PTK2: variants seen among roughly 807,000 people sequenced by gnomAD.
The protein encoded by PTK2 is protein tyrosine kinase 2.
In PTK2, 45 loss-of-function variants were observed where a neutral mutation model predicts 150.1. The observed-to-expected ratio is 0.30, with a 90% CI of 0.24 to 0.38. PTK2 has a LOEUF of 0.38. Ranked by LOEUF, PTK2 falls within the 10% of genes least tolerant of loss-of-function variation. The pLI is 1.00. For missense variants in PTK2, 919 were observed against 1,307.3 expected (o/e 0.70, Z 4.58); for synonymous variants, 432 against 449.2 (o/e 0.96, Z 0.48).
intron 2 of PTK2, chr8:140,921,126 C>T: frequency 7.9e-7 from 1 of 1,271,518 alleles, no homozygotes; most frequent in South Asian, 2.7e-5. Context: ...TCTCATGCTT[C>T]CGCAATCTGA....
chr8:140,782,260 G>GA (rs1173170751), intron 14 of PTK2, among the ~76,000 whole-genome samples: 6 of 150,220 alleles, frequency 4.0e-5, no homozygotes, highest in African/African-American at 1.5e-4. Flanking sequence ...TTTTTGGGGG[G>GA]GGGGACAGGG....
At chr8:140,809,381 G>C (rs1243557606) in intron 10 of PTK2, among the ~76,000 whole-genome samples, 1 of 152,192 alleles carries the variant, frequency 6.6e-6, no homozygotes, top group Non-Finnish European at 1.5e-5. Flanking sequence ...CAGGAATATA[G>C]AGACAAAGTT....
intron 22 of PTK2, among the ~76,000 whole-genome samples, chr8:140,719,881 T>C (rs1474268316): frequency 1.1e-5 from 1 of 91,492 alleles, no homozygotes; most frequent in African/African-American, 5.2e-5. Context: ...GTGAGACTTG[T>C]CTCACCAAAA....
intron 26 of PTK2, chr8:140,687,064 C>T (rs1021571320): frequency 1.5e-4 from 33 of 214,846 alleles, no homozygotes; most frequent in Non-Finnish European, 2.1e-4. Context: ...ATGGCTTATA[C>T]GGATTTAGCT....
intron 26 of PTK2, among the ~76,000 whole-genome samples, chr8:140,691,116 C>T (rs979509164): frequency 4.0e-5 from 6 of 151,706 alleles, no homozygotes; most frequent in African/African-American, 1.5e-4. Flanking sequence ...AGATGAACAC[C>T]TTTGTATACA....
chr8:140,712,277 C>T (rs1433738089), intron 23 of PTK2, among the ~76,000 whole-genome samples: 1 of 151,868 alleles, frequency 6.6e-6, no homozygotes, highest in Admixed American at 6.6e-5. Flanking sequence ...TGATGTAAAT[C>T]TGCTTTAATG....
intron 26 of PTK2, among the ~76,000 whole-genome samples, chr8:140,699,227 G>A (rs1462272399): frequency 1.3e-5 from 2 of 152,144 alleles, no homozygotes; most frequent in East Asian, 3.8e-4. Flanking sequence ...AAGCATGAGA[G>A]ACCAGGTAAA....
At chr8:140,951,687 A>G (rs991824570) in intron 1 of PTK2, among the ~76,000 whole-genome samples, 1 of 152,172 alleles carries the variant, frequency 6.6e-6, no homozygotes, top group African/African-American at 2.4e-5. Flanking sequence ...GTTTGAGACC[A>G]GCTTGGGAAA....
intron 2 of PTK2, chr8:140,909,539 G>A (rs2100162268): frequency 6.6e-6 from 1 of 152,178 alleles, no homozygotes; most frequent in African/African-American, 2.4e-5. Context: ...ATCTTCAAGA[G>A]GAGCAGTACC....
At chr8:140,737,053 C>T (rs2100052978) in intron 21 of PTK2, among the ~76,000 whole-genome samples, 2 of 152,178 alleles carry the variant, frequency 1.3e-5, no homozygotes, top group Non-Finnish European at 2.9e-5. Flanking sequence ...CCAGAAGTTA[C>T]AACAATATTA....
At chr8:140,843,623 A>C (rs2100123576) in intron 7 of PTK2, among the ~76,000 whole-genome samples, 2 of 152,096 alleles carry the variant, frequency 1.3e-5, no homozygotes, top group Non-Finnish European at 2.9e-5. Context: ...ACTTCACATT[A>C]ACTATTTGCC....
intron 17 of PTK2, chr8:140,750,535 T>C (rs995998197): frequency 6.6e-6 from 1 of 152,174 alleles, no homozygotes; most frequent in Admixed American, 6.5e-5. Flanking sequence ...ACTTTAAATA[T>C]GGTGGTCAGA....
intron 22 of PTK2, among the ~76,000 whole-genome samples, chr8:140,728,093 G>T (rs1366095664): frequency 6.6e-6 from 1 of 151,126 alleles, no homozygotes; most frequent in South Asian, 2.1e-4. Flanking sequence ...CAGCTACTCG[G>T]CAGGGTGAGG....
intron 2 of PTK2, among the ~76,000 whole-genome samples, chr8:140,896,797 GGGGT>G (rs66584657): frequency 0.15 from 19,516 of 133,894 alleles, 1,825 homozygotes; most frequent in East Asian, 0.26. Flanking sequence ...ACGGGGGGGG[GGGGT>G]GGGTAAAACA....
rs562315612 is a variant in PTK2, at chr8:140,939,977, A to C, written c.-121-14228T>G. Among the ~76,000 whole-genome samples, 6 of 152,350 alleles carry C rather than the reference A, an allele frequency of 3.9e-5. No individual in the cohort carries two copies. The South Asian group carries it at 1.0e-3, about 26-fold the overall frequency. ...AGATGAGTGGGGAAAAATGAACAGA[A>C]GAACAGAGTAGAGCACGGGGCCTGG... On this transcript the variant is annotated intron_variant, in intron 1 of 31. Coordinates refer to ENST00000522684, the Ensembl canonical transcript of PTK2.
At chr8:140,719,514 C>T (rs1432859114) in intron 22 of PTK2, among the ~76,000 whole-genome samples, 1 of 152,100 alleles carries the variant, frequency 6.6e-6, no homozygotes, top group Non-Finnish European at 1.5e-5. Flanking sequence ...CCCCTCCAAT[C>T]AGAAGAGCGC....
At chr8:140,957,294 G>A (rs185588482) in intron 1 of PTK2, among the ~76,000 whole-genome samples, 23 of 152,186 alleles carry the variant, frequency 1.5e-4, no homozygotes, top group Middle Eastern at 3.4e-3. Flanking sequence ...TGGGCATGGT[G>A]GCACACGCAT....
At chr8:140,877,177 C>A (rs2100146124) in intron 4 of PTK2, among the ~76,000 whole-genome samples, 1 of 151,826 alleles carries the variant, frequency 6.6e-6, no homozygotes, top group Non-Finnish European at 1.5e-5. Flanking sequence ...GGAGTACAGG[C>A]ACCCGCCACC....
intron 10 of PTK2, among the ~76,000 whole-genome samples, chr8:140,813,693 T>C (rs907368749): frequency 1.2e-4 from 18 of 152,170 alleles, no homozygotes; most frequent in African/African-American, 2.4e-4. Context: ...ATCGAAAAGT[T>C]AGATCTCAGT....
Sources: gnomAD v4.1 joint callset for allele counts (sites outside exome capture counted in the v4.1 genomes callset) on GRCh38, gnomAD v4.1.1 for gene constraint, MANE v1.5 for transcripts, NCBI Gene and HGNC (gene_info 2026-07-23, HGNC 2026-07-21) for gene names.